Variants in TMEM62 observed in about 807,000 individuals in gnomAD.
The protein encoded by TMEM62 is transmembrane protein 62.
Under a neutral mutation model 70.4 loss-of-function variants are expected in TMEM62, and 41 were observed. The observed-to-expected ratio is 0.58, with a 90% CI of 0.45 to 0.76. The LOEUF is 0.76. Among genes scored for constraint, TMEM62 ranks in the 30% least tolerant of loss-of-function variants. The pLI is 0.00. For synonymous variants in TMEM62, 268 were observed against 291.0 expected (o/e 0.92, Z 0.80); for missense variants, 688 against 788.5 (o/e 0.87, Z 1.53).
At chr15:43,170,138 A>T (rs2040030249) in intron 11 of TMEM62, among the ~76,000 whole-genome samples, 1 of 152,164 alleles carries the variant, frequency 6.6e-6, no homozygotes, top group Non-Finnish European at 1.5e-5. Flanking sequence ...CAGGCATTAT[A>T]TCTTGTTTAT....
In TMEM62 at chr15:43,135,404, C is replaced by T. The variant is rs78451052; in HGVS notation, c.293-108C>T. ...TCTCGTGAGCAGTTATGCTTATACACGTTGAGTGCTTTAAGTATCCTTGTT... is the reference window on the plus strand; with the variant it reads ...TCTCGTGAGCAGTTATGCTTATACATGTTGAGTGCTTTAAGTATCCTTGTT... On this transcript the variant is annotated intron_variant, in intron 2 of 13. Transcript: ENST00000260403. The T allele has an allele frequency of 1.3e-3, 1,441 of 1,146,044 alleles. 19 individuals are homozygous for T. The African/African-American group carries it at 0.021, about 16-fold the overall frequency. 71.0% of individuals were successfully genotyped at this position (1,146,044 alleles called of 1,614,324 possible).
intron 3 of TMEM62, among the ~76,000 whole-genome samples, 181 bp from the exon 4 acceptor site, chr15:43,138,393 A>T (rs1169707319): frequency 6.6e-6 from 1 of 152,088 alleles, no homozygotes; most frequent in East Asian, 1.9e-4. Flanking sequence ...GTTGTCCAGG[A>T]TGTGCCCCTC....
At chr15:43,162,964 T>A (rs2038936045) in intron 10 of TMEM62, among the ~76,000 whole-genome samples, 1 of 150,558 alleles carries the variant, frequency 6.6e-6, no homozygotes, top group Admixed American at 6.6e-5. Context: ...ATAACCATCA[T>A]TTTTTTTTCC....
At chr15:43,144,743 T>A (rs2036450636) in intron 4 of TMEM62, among the ~76,000 whole-genome samples, 1 of 152,170 alleles carries the variant, frequency 6.6e-6, no homozygotes, top group Non-Finnish European at 1.5e-5. Flanking sequence ...AGGACAGAGA[T>A]GAAAATCTTT....
At chr15:43,158,137 A>G (rs1483846851) in intron 9 of TMEM62, among the ~76,000 whole-genome samples, 3 of 152,056 alleles carry the variant, frequency 2.0e-5, no homozygotes, top group Admixed American at 1.3e-4. Context: ...TTTAGGTTCT[A>G]TAATTGGTAG....
chr15:43,164,020 C>T (rs2039082764), intron 10 of TMEM62, among the ~76,000 whole-genome samples: 1 of 152,170 alleles, frequency 6.6e-6, no homozygotes, highest in Non-Finnish European at 1.5e-5. Flanking sequence ...GTAGTCTATA[C>T]TGTTTTTTTA....
intron 10 of TMEM62, among the ~76,000 whole-genome samples, chr15:43,166,746 T>C (rs2039466389): frequency 6.6e-6 from 1 of 151,870 alleles, no homozygotes; most frequent in Non-Finnish European, 1.5e-5. Flanking sequence ...GATTAGGGAG[T>C]GGTGATGCCT....
chr15:43,145,440 C>T (rs1290160420), intron 4 of TMEM62, among the ~76,000 whole-genome samples: 1 of 152,004 alleles, frequency 6.6e-6, no homozygotes, highest in Non-Finnish European at 1.5e-5. Context: ...CTCCTGACCT[C>T]GTGATCCGCC....
intron 4 of TMEM62, chr15:43,146,138 G>T (rs2036632285): frequency 6.2e-6 from 1 of 162,520 alleles, no homozygotes; most frequent in Non-Finnish European, 1.3e-5. Context: ...ACTACACCAA[G>T]AATTCTAGGT....
At chr15:43,146,039 C>A (rs940668838) in intron 4 of TMEM62, 1 of 152,786 alleles carries the variant, frequency 6.5e-6, no homozygotes, top group African/African-American at 2.4e-5. Context: ...TATTTTTTCT[C>A]CTTGCTTGAA....
chr15:43,169,350 C>T (rs1257717995), intron 10 of TMEM62, among the ~76,000 whole-genome samples: 1 of 152,162 alleles, frequency 6.6e-6, no homozygotes, highest in African/African-American at 2.4e-5. Context: ...CACTCTAGAG[C>T]TGTTTTAGGA....
In TMEM62 at chr15:43,134,287, G is replaced by C. The variant is rs1008816535; in HGVS notation, c.211G>C (p.Asp71His). ...ISDIHLSRFR[D>H]PGRAVDLEKF... ...CGACATTCACCTGAGCAGGTTTCGA[G>C]ATCCAGGCAGAGCGGTAGACTTAGA... is the stretch of plus-strand genomic sequence containing the variant. Residue 71 changes from aspartate (D) to histidine (H), a missense_variant, in exon 2 of 14, where the codon GAT (aspartate) becomes CAT (histidine). By Grantham distance (81) the Asp-to-His change is moderately conservative. Coordinates refer to ENST00000260403, the MANE Select transcript of TMEM62 (RefSeq NM_024956.4). The C allele has an allele frequency of 1.2e-6, 2 of 1,614,210 alleles. No homozygotes were observed. The highest frequency in any genetic ancestry group is 1.6e-4 in the Middle Eastern group (1 of 6,062).
intron 8 of TMEM62, 43 bp from the exon 9 acceptor site, chr15:43,154,629 G>A: frequency 6.4e-7 from 1 of 1,552,246 alleles, no homozygotes; most frequent in Non-Finnish European, 8.7e-7. Flanking sequence ...CAAAAACAAT[G>A]ACAAACCTCA....
At position 43,168,028 on chromosome 15, in the gene TMEM62, GCAGGAGA is replaced by G. The variant is rs1234766567; in HGVS notation, c.1297-1563_1297-1557del. 3.9e-5 allele frequency among the ~76,000 whole-genome samples: 6 copies of G among 152,210 alleles called. No individual in the cohort carries two copies. The East Asian group carries it at 1.2e-3, about 30-fold the overall frequency. On this transcript the variant is annotated intron_variant, in intron 10 of 13. Coordinates refer to ENST00000260403, the MANE Select transcript of TMEM62 (RefSeq NM_024956.4). ...AATCGCAGGCACTCGGCAGGCTGAGGCAGGAGACTCAGGCCGGGAGGTTGCAGTGAGC... is the reference window on the plus strand; with the variant it reads ...AATCGCAGGCACTCGGCAGGCTGAGGCTCAGGCCGGGAGGTTGCAGTGAGC...
In TMEM62 at chr15:43,175,514, G is replaced by A. The variant is rs149398679; in HGVS notation, c.1382-3093G>A. ...TGCATGGGTGACATGGCTGGTTGGG[G>A]CTGAGGATCTGTGGTACTGTAGACT... is the stretch of plus-strand genomic sequence containing the variant. On this transcript the variant is annotated intron_variant, in intron 11 of 13. Coordinates refer to ENST00000260403, the MANE Select transcript of TMEM62 (RefSeq NM_024956.4). Among the ~76,000 whole-genome samples the A allele has an allele frequency of 5.1e-3, 777 of 152,318 alleles. 5 individuals carry two copies. Among genetic ancestry groups the A allele is most frequent in the African/African-American group, 0.018 (746 of 41,564 alleles).
In TMEM62 at chr15:43,184,338, T is replaced by C; in HGVS notation, c.1684T>C (p.Ser562Pro). 1.2e-6 allele frequency: 2 copies of C among 1,614,192 alleles called. No homozygotes were observed. Among genetic ancestry groups the C allele is most frequent in the African/African-American group, 2.7e-5 (2 of 75,038 alleles). Residue 562 changes from serine (S) to proline (P), a missense_variant, in exon 14 of 14, where the codon TCT becomes CCT. Ser to Pro is a moderately conservative substitution (Grantham distance 74). Transcript: ENST00000260403. Reference sequence around the variant, plus strand: ...GCGGTGCTTTGGTCACAACTTCAGGTCTCATCTCCATCAAAGAAAATACTT... The same window carrying C: ...GCGGTGCTTTGGTCACAACTTCAGGCCTCATCTCCATCAAAGAAAATACTT... Reference protein sequence around the residue: ...LQRCFGHNFRSHLHQRKYLKI... With the variant: ...LQRCFGHNFRPHLHQRKYLKI...
chr15:43,167,490 G>A (rs1173039872), intron 10 of TMEM62, among the ~76,000 whole-genome samples: 9 of 151,900 alleles, frequency 5.9e-5, no homozygotes, highest in African/African-American at 1.7e-4. Flanking sequence ...CGGACGGGGC[G>A]GCAGGGCAGA....
intron 4 of TMEM62, among the ~76,000 whole-genome samples, chr15:43,145,635 T>TA (rs2036581378): frequency 1.3e-5 from 2 of 152,234 alleles, no homozygotes; most frequent in Admixed American, 1.3e-4. Flanking sequence ...GGTTACATTA[T>TA]ATTTGATGGT....
At chr15:43,161,491 T>C (rs948232826) in intron 10 of TMEM62, among the ~76,000 whole-genome samples, 1 of 152,164 alleles carries the variant, frequency 6.6e-6, no homozygotes, top group African/African-American at 2.4e-5. Context: ...TGTAGAAAAC[T>C]TGGAAAATTT....
Sources: allele counts gnomAD v4.1 joint callset (sites outside exome capture counted in the v4.1 genomes callset), GRCh38; gene constraint gnomAD v4.1.1; transcripts MANE v1.5; gene names NCBI Gene and HGNC (gene_info 2026-07-23, HGNC 2026-07-21).